ANK3: variants seen among roughly 807,000 people sequenced by gnomAD.
ANK3 encodes ankyrin 3.
Under a neutral mutation model 370.9 loss-of-function variants are expected in ANK3, and 57 were observed. The ratio of observed to expected loss-of-function variants is 0.15; its 90% CI spans 0.12 to 0.19. The LOEUF (loss-of-function observed/expected upper bound fraction) is 0.19. Among genes scored for constraint, ANK3 ranks in the 10% least tolerant of loss-of-function variants. The pLI is 1.00. For missense variants in ANK3, 4,439 were observed against 5,302.1 expected (o/e 0.84, Z 5.06); for synonymous variants, 1,929 against 1,946.3 (o/e 0.99, Z 0.23).
chr10:60,172,996 A>C lies in ANK3; in HGVS notation c.2286T>G (p.Asn762Lys), dbSNP rs749277498. 1.9e-6 allele frequency: 3 copies of C among 1,612,274 alleles called. No homozygotes were observed. Among genetic ancestry groups the C allele is most frequent in the Non-Finnish European group, 2.5e-6 (3 of 1,178,378 alleles). Residue 762 changes from asparagine (N) to lysine (K), a missense_variant and splice_region_variant, in exon 20 of 44, where the codon AAT becomes AAG. Around this residue, in one of 13 missense-constraint regions of ANK3, gnomAD observed 702 missense variants for 941.5 expected, o/e 0.75. Transcript: ENST00000280772. ...HSAKVNAKTK[N>K]GYTPLHQAAQ... The stretch of plus-strand genomic sequence containing the variant: ...CTGCTTGATGTAATGGCGTATACCC[A>C]TTCTGTAGAAGGAAGATGGAAGAGA...
At chr10:60,508,889 G>T (rs939676004) in intron 2 of ANK3, among the ~76,000 whole-genome samples, 2 of 152,122 alleles carry the variant, frequency 1.3e-5, no homozygotes, top group Admixed American at 1.3e-4. Flanking sequence ...ACAATTGATT[G>T]CTCTTCAGTT....
At chr10:60,173,483 T>A (rs1043741277) in intron 18 of ANK3, among the ~76,000 whole-genome samples, 3 of 152,222 alleles carry the variant, frequency 2.0e-5, no homozygotes, top group Admixed American at 6.5e-5. Flanking sequence ...ACTGACAGCA[T>A]AGACAAACTG....
intron 12 of ANK3, 67 bp downstream of exon 12, chr10:60,202,935 A>T: frequency 8.6e-7 from 1 of 1,169,278 alleles, no homozygotes; most frequent in South Asian, 1.5e-5. Context: ...AAAAAAGTAG[A>T]TAAAAACCAC....
Position 60,070,301 on chromosome 10 carries a change from T to A in ANK3, c.10580A>T (p.Glu3527Val). ...DTYFSYKVDE[E>V]FATPFKTVAT... ...TACTGTTTTAAAAGGAGTGGCAAAT[T>A]CTTCATCTACTTTGTAACTGAAGTA... is the stretch of plus-strand genomic sequence containing the variant. The change falls in exon 37 of 44, where the codon GAA (glutamate) becomes GTA (valine). Residue 3527 changes from glutamate (E) to valine (V), a missense_variant. Coordinates refer to ENST00000280772, the MANE Select transcript of ANK3 (RefSeq NM_020987.5). The surrounding 1 kb of genome is among the most constrained non-coding windows in gnomAD (Gnocchi z 5.7). 3 of 1,614,160 alleles carry A rather than the reference T, an allele frequency of 1.9e-6. No homozygotes were observed. The highest frequency in any genetic ancestry group is 2.5e-6 in the Non-Finnish European group (3 of 1,180,014).
intron 2 of ANK3, among the ~76,000 whole-genome samples, chr10:60,536,591 G>T (rs1019196467): frequency 6.6e-6 from 1 of 151,892 alleles, no homozygotes; most frequent in Non-Finnish European, 1.5e-5. Context: ...CCCAACACAA[G>T]TTCATATATG....
intron 8 of ANK3, among the ~76,000 whole-genome samples, chr10:60,232,682 C>G (rs1458076690): frequency 6.6e-6 from 1 of 152,006 alleles, no homozygotes; most frequent in African/African-American, 2.4e-5. Flanking sequence ...CAATGGTAAT[C>G]AAGAAAAAGA....
intron 4 of ANK3, among the ~76,000 whole-genome samples, chr10:60,274,475 C>T (rs2098053948): frequency 6.6e-6 from 1 of 152,138 alleles, no homozygotes; most frequent in Non-Finnish European, 1.5e-5. Flanking sequence ...ACCTATTCCC[C>T]ATTATGCAGG....
intron 8 of ANK3, among the ~76,000 whole-genome samples, chr10:60,232,797 C>T (rs1272144004): frequency 6.6e-6 from 1 of 152,146 alleles, no homozygotes; most frequent in Non-Finnish European, 1.5e-5. Context: ...TGGTGTCTTG[C>T]TCTGTCACCT....
intron 1 of ANK3, among the ~76,000 whole-genome samples, chr10:60,659,501 C>A (rs914681020): frequency 6.6e-6 from 1 of 151,842 alleles, no homozygotes. Flanking sequence ...TTTGTGTGAC[C>A]TTATCACCTC....
rs1434671070 is a variant in ANK3 at position 60,070,973 on chromosome 10, T to A, written c.9908A>T (p.Gln3303Leu). Residue 3303 changes from glutamine (Q) to leucine (L), a missense_variant, in exon 37 of 44, where the codon CAG becomes CTG. Gln to Leu is a moderately radical substitution (Grantham distance 113). Transcript: ENST00000280772. The surrounding 1 kb of genome is among the most constrained non-coding windows in gnomAD (Gnocchi z 5.7). ...CCCGGGAGGAACTGGTGAAGGTGGC[T>A]GCACTCTAATGACAGGTTCAGCCAG... ...YQLAEPVIRV[Q>L]PPSPVPPGAD... is the part of the protein sequence containing the mutation. 1 of 1,614,140 alleles carries A rather than the reference T, an allele frequency of 6.2e-7. No individual in the cohort carries two copies. Among genetic ancestry groups the A allele is most frequent in the South Asian group, 1.1e-5 (1 of 91,082 alleles).
intron 21 of ANK3, among the ~76,000 whole-genome samples, chr10:60,171,279 A>T (rs2132310154): frequency 6.6e-6 from 1 of 152,232 alleles, no homozygotes; most frequent in Middle Eastern, 3.4e-3. Context: ...AAATTACAAA[A>T]TTTTTCTCCC....
intron 25 of ANK3, among the ~76,000 whole-genome samples, chr10:60,115,336 A>C (rs1337702674): frequency 6.6e-6 from 1 of 152,202 alleles, no homozygotes; most frequent in East Asian, 1.9e-4. Context: ...TAGCAGAGGG[A>C]GGGCAAACAT....
chr10:60,359,511 T>C (rs570053340), intron 1 of ANK3, among the ~76,000 whole-genome samples: 8 of 152,376 alleles, frequency 5.3e-5, no homozygotes, highest in African/African-American at 1.9e-4. Flanking sequence ...CCAGTCAGTT[T>C]GAGGTTCTTT....
chr10:60,673,508 A>G (rs139687320), intron 1 of ANK3, among the ~76,000 whole-genome samples: 7,965 of 151,864 alleles, frequency 0.052, 290 homozygotes, highest in African/African-American at 0.088. Flanking sequence ...CTGCCACCAC[A>G]CCTAGCTAAT....
intron 2 of ANK3, among the ~76,000 whole-genome samples, chr10:60,412,241 T>G (rs1417530157): frequency 6.6e-6 from 1 of 152,162 alleles, no homozygotes; most frequent in Non-Finnish European, 1.5e-5. Context: ...TGATTAATGT[T>G]TGAATCTATG....
chr10:60,204,709 T>C (rs919720900), intron 11 of ANK3, among the ~76,000 whole-genome samples: 3 of 152,014 alleles, frequency 2.0e-5, no homozygotes, highest in Non-Finnish European at 4.4e-5. Context: ...TGAAGACCAG[T>C]CAGACTCAGC....
intron 1 of ANK3, among the ~76,000 whole-genome samples, chr10:60,321,043 A>G (rs2048519377): frequency 6.6e-6 from 1 of 152,198 alleles, no homozygotes; most frequent in Admixed American, 6.5e-5. Context: ...CAATGATGCT[A>G]TTTTGAACAT....
At chr10:60,076,881 G>A (rs538927437) in intron 36 of ANK3, among the ~76,000 whole-genome samples, 1 of 152,046 alleles carries the variant, frequency 6.6e-6, no homozygotes, top group Non-Finnish European at 1.5e-5. Context: ...TGTTTGTTTC[G>A]TGCAACCATA....
At chr10:60,473,035 C>T (rs1293499683) in intron 2 of ANK3, among the ~76,000 whole-genome samples, 5 of 152,158 alleles carry the variant, frequency 3.3e-5, no homozygotes, top group Non-Finnish European at 7.4e-5. Context: ...TAACAGAACA[C>T]ACACTTGAGA....
Sources: allele counts gnomAD v4.1 joint callset (sites outside exome capture counted in the v4.1 genomes callset), GRCh38; gene constraint gnomAD v4.1.1; regional missense constraint gnomAD v4.1.1; non-coding constraint Gnocchi (gnomAD v3.1); transcripts MANE v1.5; gene names NCBI Gene and HGNC (gene_info 2026-07-23, HGNC 2026-07-21).